The following COG5 variants were observed in gnomAD, a reference collection of about 807,000 sequenced individuals.
COG5 encodes the protein conserved oligomeric Golgi complex subunit 5.
A neutral mutation model predicts 110.4 loss-of-function variants in COG5; 86 were observed. That is an observed-to-expected ratio of 0.78 (90% CI 0.65 to 0.93). The LOEUF is 0.93. Among genes scored for constraint, COG5 ranks in the 40% least tolerant of loss-of-function variants. The pLI is 0.00. For missense variants in COG5, 1,077 were observed against 987.0 expected, an observed-to-expected ratio of 1.09 and a Z score of -1.22; for synonymous variants, 360 against 334.6, an observed-to-expected ratio of 1.08 and a Z score of -0.83.
chr7:107,322,353 A>G (rs1809376742), intron 11 of COG5, among the ~76,000 whole-genome samples: 1 of 152,190 alleles, frequency 6.6e-6, no homozygotes. Flanking sequence ...GCAGGCCCTC[A>G]CCAAATACTA....
rs962506929 is a variant in COG5 at position 107,559,084 on chromosome 7, T to C, written c.95-969A>G. ...CTAGATCAATACACAAATACTGTTA[T>C]AGCAAAGTGAATCTGGAATTTTAGT... On this transcript the variant is annotated intron_variant, in intron 1 of 21. Transcript: ENST00000297135. 2.6e-5 allele frequency among the ~76,000 whole-genome samples: 4 copies of C among 152,160 alleles called. No homozygotes were observed. The East Asian group carries it at 5.8e-4, about 22-fold the overall frequency.
At chr7:107,278,491 A>C (rs183063070) in intron 14 of COG5, among the ~76,000 whole-genome samples, 1 of 150,952 alleles carries the variant, frequency 6.6e-6, no homozygotes, top group African/African-American at 2.4e-5. Flanking sequence ...TCATTGGTCA[A>C]CTCCCACTTA....
chr7:107,502,267 A>C (rs973009398), intron 6 of COG5, among the ~76,000 whole-genome samples: 1 of 152,080 alleles, frequency 6.6e-6, no homozygotes, highest in African/African-American at 2.4e-5. Context: ...TTTGATGTTT[A>C]GTTCTCCATT....
chr7:107,436,800 A>G lies in COG5; in HGVS notation c.539-24168T>C, dbSNP rs184986498. On this transcript the variant is annotated intron_variant, in intron 6 of 21. Transcript: ENST00000297135. Reference sequence around the variant, plus strand: ...CAATAGAGAATTAAAGCAGAGTTGGATCATGAGTGCTCAGCAAATGTCATC... The same window carrying G: ...CAATAGAGAATTAAAGCAGAGTTGGGTCATGAGTGCTCAGCAAATGTCATC... Among the ~76,000 whole-genome samples, 408 of 152,352 alleles carry G rather than the reference A, an allele frequency of 2.7e-3. 1 individual carries two copies. Among genetic ancestry groups the G allele is most frequent in the African/African-American group, 9.4e-3 (391 of 41,580 alleles).
intron 21 of COG5, chr7:107,209,709 GCCATAT>G: frequency 1.8e-6 from 1 of 552,226 alleles, no homozygotes; most frequent in Non-Finnish European, 2.3e-6. Flanking sequence ...AGAGGACAGG[GCCATAT>G]CTCGGCTTAC....
intron 7 of COG5, among the ~76,000 whole-genome samples, chr7:107,388,622 CA>C (rs1233148137): frequency 1.3e-5 from 2 of 152,154 alleles, no homozygotes. Flanking sequence ...ATTTAGATGA[CA>C]AATTTCAATC....
chr7:107,386,939 A>T (rs149907244), intron 7 of COG5, among the ~76,000 whole-genome samples: 1 of 152,078 alleles, frequency 6.6e-6, no homozygotes, highest in African/African-American at 2.4e-5. Context: ...CCTCAGCCCC[A>T]CTATCACCGG....
At chr7:107,311,595 T>G (rs1808274583) in intron 11 of COG5, among the ~76,000 whole-genome samples, 1 of 150,308 alleles carries the variant, frequency 6.7e-6, no homozygotes. Context: ...GGGTTTCACC[T>G]TGTTAGCCAG....
intron 10 of COG5, among the ~76,000 whole-genome samples, chr7:107,334,666 ATACTG>A (rs1297635303): frequency 1.3e-5 from 2 of 152,192 alleles, no homozygotes; most frequent in African/African-American, 4.8e-5. Context: ...GCTATCCAAA[ATACTG>A]TATTCAACAA....
intron 6 of COG5, among the ~76,000 whole-genome samples, chr7:107,432,188 T>C (rs1794070416): frequency 6.6e-6 from 1 of 152,194 alleles, no homozygotes. Context: ...TGCTTTGGCA[T>C]AAGCATTAAA....
intron 6 of COG5, among the ~76,000 whole-genome samples, chr7:107,427,741 A>G (rs1049629662): frequency 6.6e-6 from 1 of 151,738 alleles, no homozygotes; most frequent in African/African-American, 2.4e-5. Flanking sequence ...CTGGGCTGGG[A>G]TTGCCCCAGC....
chr7:107,250,833 C>T (rs1385476657), intron 16 of COG5, among the ~76,000 whole-genome samples: 2 of 151,954 alleles, frequency 1.3e-5, no homozygotes, highest in African/African-American at 4.8e-5. Flanking sequence ...ACAGAAATCT[C>T]TCTGGAGAAG....
intron 19 of COG5, among the ~76,000 whole-genome samples, chr7:107,217,641 C>A (rs952939495): frequency 1.3e-5 from 2 of 152,072 alleles, no homozygotes; most frequent in Non-Finnish European, 2.9e-5. Context: ...AGACAAAAAC[C>A]ATATGATCAT....
chr7:107,468,862 CT>C (rs1796459845), intron 6 of COG5, among the ~76,000 whole-genome samples: 1 of 151,876 alleles, frequency 6.6e-6, no homozygotes, highest in African/African-American at 2.4e-5. Flanking sequence ...ATGTAATGTC[CT>C]CTATTTTGTC....
rs1041157869 is a variant in COG5, at chr7:107,418,973, C to T, written c.539-6341G>A. On this transcript the variant is annotated intron_variant, in intron 6 of 21. Transcript: ENST00000297135. ...TATTTTTAGTAGAGACAGGGTTTCACCATGTTGGCCAGGTTGGTCTTGAAC... is the reference window on the plus strand; with the variant it reads ...TATTTTTAGTAGAGACAGGGTTTCATCATGTTGGCCAGGTTGGTCTTGAAC... 3.9e-5 allele frequency among the ~76,000 whole-genome samples: 6 copies of T among 152,108 alleles called. 1 individual carries two copies. The South Asian group carries it at 1.0e-3, about 26-fold the overall frequency.
chr7:107,328,367 G>C (rs1254408468), intron 10 of COG5, among the ~76,000 whole-genome samples: 1 of 152,244 alleles, frequency 6.6e-6, no homozygotes, highest in East Asian at 1.9e-4. Flanking sequence ...ACAGTTGTAT[G>C]TGCAGCCTGT....
chr7:107,302,206 C>T (rs185132584), intron 11 of COG5, among the ~76,000 whole-genome samples: 23 of 152,230 alleles, frequency 1.5e-4, no homozygotes, highest in Non-Finnish European at 2.6e-4. Context: ...ACAACAAAAA[C>T]ATACTACAAT....
At chr7:107,548,857 T>A (rs780350040) in intron 3 of COG5, among the ~76,000 whole-genome samples, 3 of 152,178 alleles carry the variant, frequency 2.0e-5, no homozygotes, top group Non-Finnish European at 4.4e-5. Flanking sequence ...GGAAAAATAT[T>A]TCCAGGAAGA....
chr7:107,206,183 G>A (rs536272212), intron 21 of COG5, among the ~76,000 whole-genome samples: 1 of 152,044 alleles, frequency 6.6e-6, no homozygotes, highest in Non-Finnish European at 1.5e-5. Flanking sequence ...GGATGGTCTC[G>A]ATCTCTTGAC....
Sources: allele counts gnomAD v4.1 joint callset (sites outside exome capture counted in the v4.1 genomes callset), GRCh38; gene constraint gnomAD v4.1.1; transcripts MANE v1.5; gene names NCBI Gene and HGNC (gene_info 2026-07-23, HGNC 2026-07-21).